The following PCDHGA4 variants were observed in gnomAD, a reference collection of about 807,000 sequenced individuals.
PCDHGA4 encodes the protein protocadherin gamma-A4.
PCDHGA4 carries 38 observed loss-of-function variants against 54.6 expected under a neutral mutation model. The ratio of observed to expected loss-of-function variants is 0.70; its 90% CI spans 0.54 to 0.91. The LOEUF (loss-of-function observed/expected upper bound fraction) is 0.91. Among genes scored for constraint, PCDHGA4 ranks in the 40% least tolerant of loss-of-function variants. PCDHGA4 has a pLI of 0.00. For missense variants in PCDHGA4, 1,298 were observed against 1,220.9 expected, an observed-to-expected ratio of 1.06 and a Z score of -0.94; for synonymous variants, 511 against 512.9, an observed-to-expected ratio of 1.00 and a Z score of 0.05.
At position 141,491,766 on chromosome 5, in the gene PCDHGA4, T is replaced by G. The variant is rs772444495; in HGVS notation, c.2515-3041T>G. On this transcript the variant is annotated intron_variant, in intron 1 of 3. Coordinates refer to ENST00000571252, the MANE Select transcript of PCDHGA4 (RefSeq NM_018917.4). This position sits in a 1 kb window ranked among gnomAD's most constrained non-coding sequence, Gnocchi z 6.9. ...GCACTGGAGAAGCCGCCCGTCCTCA[T>G]AAGGGATTGAACTTGCATCCACTCC... The G allele has an allele frequency of 1.9e-6, 3 of 1,567,856 alleles. No homozygotes were observed. Among genetic ancestry groups the G allele is most frequent in the Non-Finnish European group, 8.6e-7 (1 of 1,158,088 alleles).
At chr5:141,381,826 C>CTTTTTTTTTTTTTTTTTTTTTTTTCTTT (rs770630741) in intron 1 of PCDHGA4, among the ~76,000 whole-genome samples, 1 of 74,284 alleles carries the variant, frequency 1.3e-5, no homozygotes, top group Non-Finnish European at 2.4e-5. Context: ...CTTTCTTCTT[C>CTTTTTTTTTTTTTTTTTTTTTTTTCTTT]TTTTTTTTTT....
At chr5:141,360,109 G>T (rs1218338018) in intron 1 of PCDHGA4, 3 of 1,561,508 alleles carry the variant, frequency 1.9e-6, no homozygotes, top group African/African-American at 2.7e-5. Context: ...TTCCTCCTAT[G>T]GGCAAAGGAG....
intron 1 of PCDHGA4, chr5:141,399,969 C>T (rs1371912218): frequency 1.2e-6 from 2 of 1,612,194 alleles, no homozygotes; most frequent in South Asian, 2.2e-5. Context: ...GGCTCTTCAG[C>T]CTGGGGCTGC....
Position 141,493,836 on chromosome 5 carries a change from A to G in PCDHGA4, c.2515-971A>G, listed in dbSNP as rs1411929024. Among the ~76,000 whole-genome samples the G allele has an allele frequency of 6.6e-6, 1 of 152,194 alleles. No individual in the cohort carries two copies. Among genetic ancestry groups the G allele is most frequent in the Non-Finnish European group, 1.5e-5 (1 of 68,038 alleles). On this transcript the variant is annotated intron_variant, in intron 1 of 3. Transcript: ENST00000571252. This position sits in a 1 kb window ranked among gnomAD's most constrained non-coding sequence, Gnocchi z 4.3. ...ACACTCTCTGCTTCTGGGAGCAAGT[A>G]TGAGTATTAATTACCAGCCCACCCC...
At chr5:141,415,614 G>A (rs1476229913) in intron 1 of PCDHGA4, 1 of 1,612,128 alleles carries the variant, frequency 6.2e-7, no homozygotes, top group Admixed American at 1.7e-5. Flanking sequence ...TGGTTCCAGT[G>A]AGTTTTATTT....
intron 1 of PCDHGA4, among the ~76,000 whole-genome samples, chr5:141,446,698 G>A (rs750413432): frequency 2.0e-5 from 3 of 152,186 alleles, no homozygotes; most frequent in Admixed American, 6.5e-5. Flanking sequence ...GGCTGGTCTC[G>A]AACTCTGATC....
In PCDHGA4 at chr5:141,423,130, G is replaced by T. The variant is rs770258338; in HGVS notation, c.2514+65509G>T. The T allele has an allele frequency of 2.5e-6, 4 of 1,613,700 alleles. No homozygotes were observed. Among genetic ancestry groups the T allele is most frequent in the Non-Finnish European group, 2.5e-6 (3 of 1,179,952 alleles). ...GGTGCGTACAGCGCGGGCACTGCTG[G>T]ACAGAGACGCGCTCAAGCAGAGCCT... On this transcript the variant is annotated intron_variant, in intron 1 of 3. Coordinates refer to ENST00000571252, the MANE Select transcript of PCDHGA4 (RefSeq NM_018917.4).
intron 1 of PCDHGA4, chr5:141,442,382 T>C (rs1256682275): frequency 6.6e-6 from 1 of 152,290 alleles, no homozygotes; most frequent in East Asian, 1.9e-4. Flanking sequence ...CTACCAGGTG[T>C]GTGCTTCTCC....
chr5:141,509,595 C>T (rs968797923), intron 3 of PCDHGA4, among the ~76,000 whole-genome samples: 36 of 152,168 alleles, frequency 2.4e-4, no homozygotes, highest in African/African-American at 6.8e-4. Context: ...CTGGCAATTC[C>T]GAGAGGCTGC....
chr5:141,494,914 A>G (rs906245656), intron 2 of PCDHGA4, 49 bp downstream of exon 2: 5 of 1,613,708 alleles, frequency 3.1e-6, no homozygotes, highest in Admixed American at 1.7e-5. Context: ...GCATTTTCTC[A>G]GGGATGACGT....
At chr5:141,420,228 G>C (rs750839002) in intron 1 of PCDHGA4, 3 of 1,603,310 alleles carry the variant, frequency 1.9e-6, no homozygotes, top group Non-Finnish European at 2.6e-6. Flanking sequence ...CTACTGGCTA[G>C]CATTTTAACT....
At chr5:141,385,415 T>C (rs1781181251) in intron 1 of PCDHGA4, 2 of 1,466,016 alleles carry the variant, frequency 1.4e-6, no homozygotes, top group Non-Finnish European at 1.8e-6. Context: ...AAAATAGGGA[T>C]TTAAAAAACT....
At chr5:141,359,134 T>C (rs1761128999) in intron 1 of PCDHGA4, among the ~76,000 whole-genome samples, 2 of 152,242 alleles carry the variant, frequency 1.3e-5, no homozygotes, top group African/African-American at 4.8e-5. Flanking sequence ...ATACATAGAG[T>C]AAGCTGGAAT....
intron 1 of PCDHGA4, among the ~76,000 whole-genome samples, chr5:141,450,829 A>ATTTT (rs373424450): frequency 2.2e-4 from 30 of 135,142 alleles, no homozygotes; most frequent in African/African-American, 6.3e-4. Flanking sequence ...TATTATTATT[A>ATTTT]TTTTTTTTTT....
At chr5:141,403,582 G>T in intron 1 of PCDHGA4, 1 of 1,613,910 alleles carries the variant, frequency 6.2e-7, no homozygotes. Context: ...CCCACCACCT[G>T]GTCCTCACGG....
chr5:141,370,541 C>A (rs760146561), intron 1 of PCDHGA4: 2 of 1,613,924 alleles, frequency 1.2e-6, no homozygotes, highest in African/African-American at 1.3e-5. Flanking sequence ...TGGTAGGGAA[C>A]CTCGCCAAGG....
chr5:141,438,895 A>C (rs2098073582), intron 1 of PCDHGA4, among the ~76,000 whole-genome samples: 1 of 151,640 alleles, frequency 6.6e-6, no homozygotes, highest in Non-Finnish European at 1.5e-5. Flanking sequence ...TGAACTCCTG[A>C]CCTCAGGTGA....
At position 141,476,456 on chromosome 5, in the gene PCDHGA4, A is replaced by C; in HGVS notation, c.2515-18351A>C. The C allele has an allele frequency of 6.2e-7, 1 of 1,614,058 alleles. No homozygotes were observed. Among genetic ancestry groups the C allele is most frequent in the Non-Finnish European group, 8.5e-7 (1 of 1,180,010 alleles). On this transcript the variant is annotated intron_variant, in intron 1 of 3. Transcript: ENST00000571252. The surrounding 1 kb of genome is among the most constrained non-coding windows in gnomAD (Gnocchi z 7.6). ...TGTAACTCTGGAGTTGGTAGTGGAGAACCCGCTGGAGCTGTTCAGCGTGGA... is the reference window on the plus strand; with the variant it reads ...TGTAACTCTGGAGTTGGTAGTGGAGCACCCGCTGGAGCTGTTCAGCGTGGA...
intron 1 of PCDHGA4, among the ~76,000 whole-genome samples, chr5:141,443,477 C>T (rs1279226136): frequency 6.6e-6 from 1 of 152,116 alleles, no homozygotes; most frequent in Non-Finnish European, 1.5e-5. Flanking sequence ...CAGAATTAGA[C>T]CCTGTCCCAA....
Sources: allele counts gnomAD v4.1 joint callset (sites outside exome capture counted in the v4.1 genomes callset), GRCh38; gene constraint gnomAD v4.1.1; non-coding constraint Gnocchi (gnomAD v3.1); transcripts MANE v1.5; gene names NCBI Gene and HGNC (gene_info 2026-07-23, HGNC 2026-07-21).